Variants in CDH7 observed in about 807,000 individuals in gnomAD.
CDH7 encodes the protein cadherin-7.
In CDH7, 25 loss-of-function variants were observed where a neutral mutation model predicts 71.8. The ratio of observed to expected loss-of-function variants is 0.35; its 90% CI spans 0.25 to 0.49. The LOEUF is 0.49. CDH7 is among the 20% of genes least tolerant of loss of function. CDH7 has a pLI of 0.99. For missense variants in CDH7, 862 were observed against 974.6 expected, an observed-to-expected ratio of 0.88 and a Z score of 1.54; for synonymous variants, 381 against 363.8, an observed-to-expected ratio of 1.05 and a Z score of -0.54.
At chr18:65,847,786 T>C (rs1363201532) in intron 7 of CDH7, among the ~76,000 whole-genome samples, 3 of 152,118 alleles carry the variant, frequency 2.0e-5, no homozygotes, top group Admixed American at 2.0e-4. Flanking sequence ...TTGTGAATGT[T>C]AGGTCTTTTT....
chr18:65,798,144 C>T (rs896878141), intron 2 of CDH7, among the ~76,000 whole-genome samples: 2 of 152,100 alleles, frequency 1.3e-5, no homozygotes, highest in African/African-American at 4.8e-5. Context: ...AAATAAAGAA[C>T]ACCAGAATGA....
intron 2 of CDH7, among the ~76,000 whole-genome samples, chr18:65,794,592 G>GA (rs59757795): frequency 0.019 from 2,616 of 138,344 alleles, 79 homozygotes; most frequent in African/African-American, 0.058. Flanking sequence ...GGAGGGGTTA[G>GA]AAAAAAAAAA....
intron 4 of CDH7, among the ~76,000 whole-genome samples, chr18:65,819,416 T>C (rs4941358): frequency 0.88 from 133,211 of 152,158 alleles, 59,573 homozygotes; most frequent in East Asian, 0.99. Flanking sequence ...CTGGATTACC[T>C]TTGAATTCTT....
rs1325711732 is a variant in CDH7 at position 65,881,084 on chromosome 18, TTATCTAAAG to T, written c.*191_*199del. 3.5e-6 allele frequency: 2 copies of T among 578,444 alleles called. No homozygotes were observed. The highest frequency in any genetic ancestry group is 2.9e-6 in the Non-Finnish European group (1 of 343,412). The allele number at this position is 578,444 out of a possible 1,614,324, so 35.8% of individuals were successfully genotyped here. A position where few individuals can be genotyped will look rare whatever the true frequency, so the allele number is the denominator to read the frequency against. ...TTGGTGAGGCATATCTTCATTAGAC[TTATCTAAAG>T]GACTGCACTGACCACAGACTCTGAG... is the stretch of plus-strand genomic sequence containing the variant. On this transcript the variant is annotated 3_prime_UTR_variant, in exon 12 of 12. Transcript: ENST00000397968.
chr18:65,799,901 T>C (rs777457190), intron 2 of CDH7, among the ~76,000 whole-genome samples: 2 of 152,176 alleles, frequency 1.3e-5, no homozygotes, highest in Non-Finnish European at 2.9e-5. Context: ...AATTTAAGTA[T>C]AGCCACTATA....
upstream of CDH7, chr18:65,750,336 A>C (rs1274412631): frequency 6.6e-6 from 1 of 152,028 alleles, no homozygotes; most frequent in Non-Finnish European, 1.5e-5. Context: ...CTTTGCCTTC[A>C]TGCCTCAGGA....
intron 1 of CDH7, among the ~76,000 whole-genome samples, chr18:65,754,165 T>A (rs1240664824): frequency 6.6e-6 from 1 of 152,240 alleles, no homozygotes; most frequent in African/African-American, 2.4e-5. Flanking sequence ...TCTAGTTAAT[T>A]ATAAACTCTT....
In CDH7 at chr18:65,809,747, T is replaced by C. The variant is rs1418709372; in HGVS notation, c.254T>C (p.Ile85Thr). The C allele has an allele frequency of 2.5e-6, 4 of 1,613,932 alleles. No individual in the cohort carries two copies. Among genetic ancestry groups the C allele is most frequent in the Non-Finnish European group, 3.4e-6 (4 of 1,179,980 alleles). The part of the protein sequence containing the change: ...VDKGDGSIKY[I>T]LSGEGASSIF... ...AAAGGAGATGGTTCCATCAAATACA[T>C]CTTGTCAGGCGAAGGGGCAAGTTCC... Residue 85 changes from isoleucine to threonine, a missense_variant, in exon 3 of 12, where the codon ATC becomes ACC. Coordinates refer to ENST00000397968, the MANE Select transcript of CDH7 (RefSeq NM_004361.5).
intron 6 of CDH7, among the ~76,000 whole-genome samples, chr18:65,829,466 T>TAA (rs35511160): frequency 0.6 from 86,256 of 144,706 alleles, 27,221 homozygotes; most frequent in East Asian, 0.91. Flanking sequence ...TAGGTAAAAT[T>TAA]AAAAAAAAAA....
At position 65,809,569 on chromosome 18, in the gene CDH7, A is replaced by G. The variant is rs898856855; in HGVS notation, c.211-135A>G. ...TCTAATAGCCTTTCTGCTGTGCACA[A>G]TAAGCGTTCAGCTTATCTTTCCAAG... On this transcript the variant is annotated intron_variant, in intron 2 of 11. Coordinates refer to ENST00000397968, the MANE Select transcript of CDH7 (RefSeq NM_004361.5). The G allele has an allele frequency of 4.3e-6, 3 of 696,244 alleles. No individual in the cohort carries two copies. Among genetic ancestry groups the G allele is most frequent in the Admixed American group, 2.7e-5 (1 of 36,940 alleles). The allele number at this position is 696,244 out of a possible 1,614,324, so 43.1% of individuals were successfully genotyped here.
intron 4 of CDH7, among the ~76,000 whole-genome samples, chr18:65,819,246 G>A (rs542547733): frequency 6.6e-6 from 1 of 152,232 alleles, no homozygotes; most frequent in Admixed American, 6.5e-5. Flanking sequence ...AATCTGCATT[G>A]ACCCACTCCT....
intron 6 of CDH7, among the ~76,000 whole-genome samples, chr18:65,828,541 G>A (rs1912216018): frequency 6.6e-6 from 1 of 152,056 alleles, no homozygotes; most frequent in Non-Finnish European, 1.5e-5. Context: ...AATATATGAA[G>A]ATATTAGACT....
intron 6 of CDH7, among the ~76,000 whole-genome samples, chr18:65,838,218 C>A (rs918097356): frequency 3.3e-5 from 5 of 151,994 alleles, no homozygotes; most frequent in African/African-American, 1.2e-4. Context: ...CCATGCCCGA[C>A]CTAACATAAA....
At chr18:65,834,503 C>G (rs959145620) in intron 6 of CDH7, among the ~76,000 whole-genome samples, 17 of 152,120 alleles carry the variant, frequency 1.1e-4, no homozygotes, top group Non-Finnish European at 2.4e-4. Flanking sequence ...CAAAGAAAGA[C>G]TCAGAGAAGG....
At chr18:65,776,401 C>CACACACACACAGAG (rs1370490839) in intron 2 of CDH7, among the ~76,000 whole-genome samples, 9 of 124,674 alleles carry the variant, frequency 7.2e-5, no homozygotes, top group African/African-American at 3.1e-4. Flanking sequence ...CACACACACA[C>CACACACACACAGAG]AGAGAGAGAG....
intron 7 of CDH7, among the ~76,000 whole-genome samples, chr18:65,852,825 C>T (rs1913198172): frequency 6.6e-6 from 1 of 151,972 alleles, no homozygotes. Flanking sequence ...TATGATCTTA[C>T]ATATTTGTTT....
intron 2 of CDH7, among the ~76,000 whole-genome samples, chr18:65,789,366 C>A (rs954720940): frequency 3.9e-5 from 6 of 152,066 alleles, no homozygotes; most frequent in Non-Finnish European, 8.8e-5. Flanking sequence ...TCTGTTTAGG[C>A]GTCTGTAATT....
chr18:65,813,540 AT>A (rs1475027347), intron 3 of CDH7, among the ~76,000 whole-genome samples: 1 of 152,148 alleles, frequency 6.6e-6, no homozygotes, highest in East Asian at 1.9e-4. Context: ...CAATCTAAAA[AT>A]ATGTTAGCTT....
chr18:65,791,481 T>C (rs1055885618), intron 2 of CDH7, among the ~76,000 whole-genome samples: 1 of 152,174 alleles, frequency 6.6e-6, no homozygotes, highest in Non-Finnish European at 1.5e-5. Context: ...ACTAGTTCAT[T>C]TGTACATATG....
Sources: gnomAD v4.1 joint callset for allele counts (sites outside exome capture counted in the v4.1 genomes callset) on GRCh38, gnomAD v4.1.1 for gene constraint, MANE v1.5 for transcripts, NCBI Gene and HGNC (gene_info 2026-07-23, HGNC 2026-07-21) for gene names.